FBXO34: variants seen among roughly 807,000 people sequenced by gnomAD.
FBXO34 encodes F-box only protein 34.
Under a neutral mutation model 24.5 loss-of-function variants are expected in FBXO34, and 12 were observed. The ratio of observed to expected loss-of-function variants is 0.49; its 90% CI spans 0.31 to 0.79. The LOEUF (loss-of-function observed/expected upper bound fraction) is 0.79. Ranked by LOEUF, FBXO34 falls within the 30% of genes least tolerant of loss-of-function variation. The pLI, the probability that FBXO34 is intolerant of heterozygous loss-of-function variation, is 0.04. For missense variants in FBXO34, 823 were observed against 857.7 expected, an observed-to-expected ratio of 0.96 and a Z score of 0.51; for synonymous variants, 320 against 311.9, an observed-to-expected ratio of 1.03 and a Z score of -0.27.
chr14:55,341,904 C>T (rs934846661), intron 1 of FBXO34, among the ~76,000 whole-genome samples: 9 of 152,188 alleles, frequency 5.9e-5, no homozygotes, highest in Admixed American at 5.2e-4. Flanking sequence ...TAATTCACAA[C>T]AGCTTAAGCA....
intron 1 of FBXO34, among the ~76,000 whole-genome samples, chr14:55,288,021 T>G (rs905932851): frequency 2.6e-5 from 4 of 152,252 alleles, no homozygotes; most frequent in Admixed American, 2.6e-4. Context: ...CAAAAAGTTT[T>G]GGATTTTGGA....
rs1357454250 is a variant in FBXO34, at chr14:55,331,838, A to T, written c.-10-18543A>T. Among the ~76,000 whole-genome samples the T allele has an allele frequency of 8.5e-5, 4 of 47,022 alleles. 1 individual carries two copies. Among genetic ancestry groups the T allele is most frequent in the Non-Finnish European group, 1.5e-4 (4 of 26,024 alleles). The allele number at this position is 47,022 out of a possible 152,430, so 30.8% of individuals were successfully genotyped here. On this transcript the variant is annotated intron_variant, in intron 1 of 1. Transcript: ENST00000313833. Reference sequence around the variant, plus strand: ...TACACCACCGGGGTGTATATATAAAAATATATATATACACCACCGGGGTGT... The same window carrying T: ...TACACCACCGGGGTGTATATATAAATATATATATATACACCACCGGGGTGT...
intron 1 of FBXO34, chr14:55,298,784 CA>C: frequency 3.1e-6 from 5 of 1,603,452 alleles, no homozygotes; most frequent in East Asian, 2.2e-5. Context: ...GGCACGGCAC[CA>C]AAAACAAGCC....
At chr14:55,380,630 A>T in the FBXO34 span, 1 of 1,613,466 alleles carries the variant, frequency 6.2e-7, no homozygotes, top group Non-Finnish European at 8.5e-7. Context: ...AATGTTGACC[A>T]GCTGAGTTGC....
At chr14:55,316,597 A>C (rs1470926749) in intron 1 of FBXO34, among the ~76,000 whole-genome samples, 2 of 149,626 alleles carry the variant, frequency 1.3e-5, no homozygotes, top group African/African-American at 4.9e-5. Flanking sequence ...GCACAGTGGC[A>C]CATGTCTATA....
At chr14:55,385,244 C>T in the FBXO34 span, among the ~76,000 whole-genome samples, 1 of 152,156 alleles carries the variant, frequency 6.6e-6, no homozygotes. Context: ...CCTCACAACA[C>T]ACAACTAATA....
At chr14:55,412,011 A>G in the FBXO34 span, among the ~76,000 whole-genome samples, 1 of 152,234 alleles carries the variant, frequency 6.6e-6, no homozygotes, top group South Asian at 2.1e-4. Context: ...GTCCCGAAGC[A>G]GGGGGAGAGT....
intron 1 of FBXO34, among the ~76,000 whole-genome samples, chr14:55,283,667 G>C (rs1881640261): frequency 6.6e-6 from 1 of 151,830 alleles, no homozygotes; most frequent in Non-Finnish European, 1.5e-5. Flanking sequence ...CACCATGTTG[G>C]TTAGGCTGTT....
intron 1 of FBXO34, among the ~76,000 whole-genome samples, chr14:55,296,732 A>G (rs543662690): frequency 6.6e-6 from 1 of 152,030 alleles, no homozygotes; most frequent in East Asian, 1.9e-4. Flanking sequence ...CTTGCCCATA[A>G]TTTACACAAA....
the FBXO34 span, among the ~76,000 whole-genome samples, chr14:55,432,405 C>A: frequency 3.5e-5 from 5 of 142,328 alleles, no homozygotes; most frequent in African/African-American, 5.3e-5. Context: ...ACAGTGAGAC[C>A]GTGTCTCAGA....
At chr14:55,380,855 G>GTATATATATATATA in the FBXO34 span, among the ~76,000 whole-genome samples, 3 of 118,084 alleles carry the variant, frequency 2.5e-5, no homozygotes, top group African/African-American at 1.0e-4. Flanking sequence ...TTCTTTGTGT[G>GTATATATATATATA]TATATATATA....
rs17128404 is a variant in FBXO34 at position 55,309,711 on chromosome 14, G to A, written c.-11+38174G>A. The stretch of plus-strand genomic sequence containing the variant: ...TTTTTATTTTTTTGCTTGCTTGACT[G>A]TTAGTAATTTACATACTAACTGGTT... On this transcript the variant is annotated intron_variant, in intron 1 of 1. Transcript: ENST00000313833. Among the ~76,000 whole-genome samples the A allele has an allele frequency of 2.2e-3, 336 of 152,266 alleles. 1 individual carries two copies. The highest frequency in any genetic ancestry group is 0.015 in the South Asian group (72 of 4,828).
At chr14:55,436,075 A>G in the FBXO34 span, 1 of 517,326 alleles carries the variant, frequency 1.9e-6, no homozygotes, top group Non-Finnish European at 3.3e-6. Context: ...AATACATGAC[A>G]TGATTCCTAG....
chr14:55,323,672 C>T (rs1004615264), intron 1 of FBXO34, among the ~76,000 whole-genome samples: 9 of 152,088 alleles, frequency 5.9e-5, no homozygotes, highest in Non-Finnish European at 1.0e-4. Flanking sequence ...TGAGCCATGG[C>T]GCTTGGCCAA....
the FBXO34 span, among the ~76,000 whole-genome samples, chr14:55,422,281 T>C: frequency 0.058 from 8,889 of 152,144 alleles, 337 homozygotes; most frequent in Non-Finnish European, 0.085. Context: ...GAGAGTGAAA[T>C]GTATAAAAAG....
the FBXO34 span, chr14:55,380,610 T>C: frequency 1.2e-6 from 2 of 1,613,110 alleles, no homozygotes; most frequent in South Asian, 2.2e-5. Flanking sequence ...ACATCAAGTA[T>C]ATGAGACAGA....
chr14:55,434,707 A>G, the FBXO34 span, among the ~76,000 whole-genome samples: 1 of 152,226 alleles, frequency 6.6e-6, no homozygotes, highest in African/African-American at 2.4e-5. Flanking sequence ...GCTGTATGAA[A>G]TATCAAAAGG....
the FBXO34 span, among the ~76,000 whole-genome samples, chr14:55,389,915 T>C: frequency 1.3e-5 from 2 of 152,054 alleles, no homozygotes; most frequent in Admixed American, 1.3e-4. Flanking sequence ...TGTACAAATA[T>C]GATGTAAGAT....
At chr14:55,440,356 G>T in the FBXO34 span, 3 of 1,611,824 alleles carry the variant, frequency 1.9e-6, no homozygotes, top group Non-Finnish European at 2.5e-6. Context: ...GACCGGGCGG[G>T]ACTTGGGTCC....
Sources: gnomAD v4.1 joint callset for allele counts (sites outside exome capture counted in the v4.1 genomes callset) on GRCh38, gnomAD v4.1.1 for gene constraint, MANE v1.5 for transcripts, NCBI Gene and HGNC (gene_info 2026-07-23, HGNC 2026-07-21) for gene names.